The following KCNIP2 variants were observed in gnomAD, a reference collection of about 807,000 sequenced individuals.
The protein encoded by KCNIP2 is potassium voltage-gated channel interacting protein 2.
Under a neutral mutation model 39.0 loss-of-function variants are expected in KCNIP2, and 19 were observed. The observed-to-expected ratio is 0.49, with a 90% CI of 0.34 to 0.71. KCNIP2 has a LOEUF of 0.71. Ranked by LOEUF, KCNIP2 falls within the 30% of genes least tolerant of loss-of-function variation. The pLI is 0.01. For synonymous variants in KCNIP2, 111 were observed against 131.2 expected, an observed-to-expected ratio of 0.85 and a Z score of 1.05; for missense variants, 261 against 346.0, an observed-to-expected ratio of 0.75 and a Z score of 1.95.
intron 1 of KCNIP2, among the ~76,000 whole-genome samples, chr10:101,831,382 T>C (rs1247029041): frequency 6.6e-6 from 1 of 152,160 alleles, no homozygotes; most frequent in African/African-American, 2.4e-5. Flanking sequence ...TAATGGGACG[T>C]GGCCGGTGAC....
chr10:101,829,023 C>T (rs1323508245), intron 4 of KCNIP2, 52 bp downstream of exon 4: 24 of 1,594,140 alleles, frequency 1.5e-5, no homozygotes, highest in Non-Finnish European at 1.9e-5. Flanking sequence ...TGTGGACCGG[C>T]TTGGGTCCTC....
chr10:101,840,382 G>A (rs899042081), intron 1 of KCNIP2, among the ~76,000 whole-genome samples: 1 of 151,996 alleles, frequency 6.6e-6, no homozygotes, highest in Non-Finnish European at 1.5e-5. Flanking sequence ...GTGTATTGGG[G>A]TGGCAAAGAA....
At chr10:101,830,292 C>G in intron 2 of KCNIP2, 1 of 805,296 alleles carries the variant, frequency 1.2e-6, no homozygotes, top group Non-Finnish European at 1.7e-6. Flanking sequence ...AACCCAAATA[C>G]CCTGGCGTCT....
intron 1 of KCNIP2, chr10:101,839,632 G>A (rs892811575): frequency 1.3e-5 from 12 of 896,650 alleles, no homozygotes; most frequent in Non-Finnish European, 2.2e-5. Flanking sequence ...CCTTTCCTTG[G>A]AGGGATGTTG....
At chr10:101,832,643 T>A in intron 1 of KCNIP2, among the ~76,000 whole-genome samples, 1 of 152,110 alleles carries the variant, frequency 6.6e-6, no homozygotes, top group Non-Finnish European at 1.5e-5. Flanking sequence ...GGGGGATCGA[T>A]GGCATTCCTG....
In KCNIP2 at chr10:101,828,881, C is replaced by A; in HGVS notation, c.349-185G>T. ...CAGTGCACAAATAAAAAACATGGAA[C>A]GAAACTGACAGTCTACAGGCGCCAC... On this transcript the variant is annotated intron_variant, in intron 4 of 9. Coordinates refer to ENST00000356640, the MANE Select transcript of KCNIP2 (RefSeq NM_173191.3). The surrounding 1 kb of genome is among the most constrained non-coding windows in gnomAD (Gnocchi z 6.6). 1.9e-6 allele frequency: 3 copies of A among 1,543,976 alleles called. No homozygotes were observed. Among genetic ancestry groups the A allele is most frequent in the Non-Finnish European group, 2.6e-6 (3 of 1,144,012 alleles).
intron 3 of KCNIP2, chr10:101,829,531 A>G: frequency 2.1e-6 from 1 of 481,746 alleles, no homozygotes; most frequent in Admixed American, 4.0e-5. Context: ...AAGCCAGTTC[A>G]AGAGGGGGCG....
intron 1 of KCNIP2, among the ~76,000 whole-genome samples, chr10:101,841,430 G>A (rs1025700523): frequency 1.3e-5 from 2 of 152,182 alleles, no homozygotes; most frequent in African/African-American, 4.8e-5. Context: ...GTTGACACTG[G>A]CGTCCCAACC....
chr10:101,829,136 A>C lies in KCNIP2; in HGVS notation c.287T>G (p.Leu96Arg). ...GCGCGTGAATTTGGTTTGCTCCTGCAGCTGCTCCAGACCCTCAGGCCGGTG... is the reference window on the plus strand; with the variant it reads ...GCGCGTGAATTTGGTTTGCTCCTGCCGCTGCTCCAGACCCTCAGGCCGGTG... The part of the protein sequence containing the change: ...VCHRPEGLEQ[L>R]QEQTKFTRKE... Residue 96 changes from leucine (L) to arginine (R), a missense_variant, in exon 4 of 10, where the codon CTG becomes CGG. Coordinates refer to ENST00000356640, the MANE Select transcript of KCNIP2 (RefSeq NM_173191.3). 6.2e-7 allele frequency: 1 copy of C among 1,614,224 alleles called. No homozygotes were observed. The highest frequency in any genetic ancestry group is 8.5e-7 in the Non-Finnish European group (1 of 1,180,038).
At chr10:101,841,036 G>A (rs2066319142) in intron 1 of KCNIP2, among the ~76,000 whole-genome samples, 1 of 152,240 alleles carries the variant, frequency 6.6e-6, no homozygotes. Flanking sequence ...CTGCCCAGCG[G>A]CCCCGCCGGG....
chr10:101,827,404 T>C lies in KCNIP2; in HGVS notation c.766-4A>G, dbSNP rs760069986. On this transcript the variant is annotated splice_polypyrimidine_tract_variant and splice_region_variant and intron_variant, in intron 9 of 9. Coordinates refer to ENST00000356640, the MANE Select transcript of KCNIP2 (RefSeq NM_173191.3). ...TGGACCTCATGATGTTCTCATCCTG[T>C]GGCCATGATGTGAGCGAGGCAGATT... The C allele has an allele frequency of 1.2e-6, 2 of 1,603,634 alleles. No individual in the cohort carries two copies. Among genetic ancestry groups the C allele is most frequent in the Non-Finnish European group, 8.5e-7 (1 of 1,171,824 alleles).
chr10:101,839,238 A>G (rs1273502945), intron 1 of KCNIP2, among the ~76,000 whole-genome samples: 1 of 152,166 alleles, frequency 6.6e-6, no homozygotes, highest in Non-Finnish European at 1.5e-5. Flanking sequence ...AGAGACATAC[A>G]ATCCTTAAGC....
rs576902320 is a variant in KCNIP2 at position 101,843,553 on chromosome 10, G to A, written c.16C>T (p.Arg6Cys). The change falls in exon 1 of 10, where the codon CGC becomes TGC. Residue 6 changes from arginine (R) to cysteine (C), a missense_variant. Coordinates refer to ENST00000356640, the MANE Select transcript of KCNIP2 (RefSeq NM_173191.3). This position sits in a 1 kb window ranked among gnomAD's most constrained non-coding sequence, Gnocchi z 6.7. ...CGGGAATCGGACAAACTCTCCTTGC[G>A]GCCCTGGCCCCGCATGGCCCCCGGC... MRGQG[R>C]KESLSDSRDL... The A allele has an allele frequency of 3.7e-5, 57 of 1,553,472 alleles. 1 individual carries two copies. In the South Asian group the frequency reaches 6.4e-4, roughly 17 times the overall value.
At chr10:101,840,875 G>T (rs2066311993) in intron 1 of KCNIP2, among the ~76,000 whole-genome samples, 1 of 152,174 alleles carries the variant, frequency 6.6e-6, no homozygotes, top group African/African-American at 2.4e-5. Context: ...CAATACTCAG[G>T]GCCGGAGGGA....
intron 1 of KCNIP2, among the ~76,000 whole-genome samples, chr10:101,836,263 C>CT (rs908291931): frequency 2.7e-5 from 4 of 146,864 alleles, no homozygotes; most frequent in African/African-American, 7.5e-5. Context: ...TTCACACAGG[C>CT]TTTTTTTTCT....
chr10:101,835,851 A>G (rs562801209), intron 1 of KCNIP2, among the ~76,000 whole-genome samples: 1 of 152,350 alleles, frequency 6.6e-6, no homozygotes, highest in South Asian at 2.1e-4. Flanking sequence ...AAGCCTATGA[A>G]GGCATACTAT....
intron 1 of KCNIP2, among the ~76,000 whole-genome samples, chr10:101,831,720 T>G (rs3781298): frequency 0.21 from 31,186 of 152,024 alleles, 3,552 homozygotes; most frequent in East Asian, 0.52. Context: ...TAAAACAGGA[T>G]GCATACACAT....
Position 101,840,062 on chromosome 10 carries a change from G to GT in KCNIP2, c.73+3433_73+3434insA, listed in dbSNP as rs979407566. 1.8e-4 allele frequency among the ~76,000 whole-genome samples: 28 copies of GT among 151,734 alleles called. 2 individuals are homozygous for GT. Among genetic ancestry groups the GT allele is most frequent in the African/African-American group, 6.1e-4 (25 of 41,266 alleles). ...CCGCCCCCAAAGTTCCTGGACGGGG[G>GT]GGGGGGGTGGCGGGGAGGGGCGGCG... On this transcript the variant is annotated intron_variant, in intron 1 of 9. Transcript: ENST00000356640.
In KCNIP2 at chr10:101,843,612, C is replaced by G; in HGVS notation, c.-44G>C. ...CCCGCCCGGGCCGTGGGAGGGGGCG[C>G]CGGGTGGCCGGGATAGGGCGCTCAC... On this transcript the variant is annotated 5_prime_UTR_variant, in exon 1 of 10. Coordinates refer to ENST00000356640, the MANE Select transcript of KCNIP2 (RefSeq NM_173191.3). This position sits in a 1 kb window ranked among gnomAD's most constrained non-coding sequence, Gnocchi z 6.7. The G allele has an allele frequency of 8.1e-7, 1 of 1,229,098 alleles. No individual in the cohort carries two copies. 76.1% of individuals were successfully genotyped at this position (1,229,098 alleles called of 1,614,324 possible). A position where few individuals can be genotyped will look rare whatever the true frequency, so the allele number is the denominator to read the frequency against.
Sources: gnomAD v4.1 joint callset for allele counts (sites outside exome capture counted in the v4.1 genomes callset) on GRCh38, gnomAD v4.1.1 for gene constraint, Gnocchi (gnomAD v3.1) non-coding constraint, MANE v1.5 for transcripts, NCBI Gene and HGNC (gene_info 2026-07-23, HGNC 2026-07-21) for gene names.